Variants in NCAM2 observed in about 807,000 individuals in gnomAD.
NCAM2 encodes neural cell adhesion molecule 2.
In NCAM2, 30 loss-of-function variants were observed where a neutral mutation model predicts 98.1. The ratio of observed to expected loss-of-function variants is 0.31; its 90% CI spans 0.23 to 0.41. The LOEUF (loss-of-function observed/expected upper bound fraction) is 0.41, where lower values mean the gene tolerates loss of function less well. Ranked by LOEUF, NCAM2 falls within the 10% of genes least tolerant of loss-of-function variation. The probability of loss-of-function intolerance (pLI) is 1.00; values close to 1 mark genes in which losing one functional copy is unlikely to be tolerated. For synonymous variants in NCAM2, 368 were observed against 342.4 expected (o/e 1.07, Z -0.83); for missense variants, 867 against 1,005.8 (o/e 0.86, Z 1.87).
In NCAM2 at chr21:21,247,682, T is replaced by C. The variant is rs2071329046; in HGVS notation, c.56-32896T>C. 1.3e-5 allele frequency among the ~76,000 whole-genome samples: 2 copies of C among 152,196 alleles called. 1 individual carries two copies. Among genetic ancestry groups the C allele is most frequent in the South Asian group, 4.1e-4 (2 of 4,838 alleles). The stretch of plus-strand genomic sequence containing the variant: ...GAGTCATATTTCTATGTAATTACAG[T>C]ATTACGTTTAAAGGTATGAAGAATG... On this transcript the variant is annotated intron_variant, in intron 1 of 17. Coordinates refer to ENST00000400546, the MANE Select transcript of NCAM2 (RefSeq NM_004540.5).
In NCAM2 at chr21:21,188,470, ATAAC is replaced by A. The variant is rs541531887; in HGVS notation, c.56-92105_56-92102del. Among the ~76,000 whole-genome samples the A allele has an allele frequency of 6.0e-3, 917 of 152,302 alleles. 6 individuals are homozygous for A. Among genetic ancestry groups the A allele is most frequent in the Non-Finnish European group, 9.7e-3 (662 of 68,002 alleles). On this transcript the variant is annotated intron_variant, in intron 1 of 17. Coordinates refer to ENST00000400546, the MANE Select transcript of NCAM2 (RefSeq NM_004540.5). ...TATTATAAAAGACTAAAATTTTTCTATAACTAGCTATGGGTTAAAATAGCACCAA... is the reference window on the plus strand; with the variant it reads ...TATTATAAAAGACTAAAATTTTTCTATAGCTATGGGTTAAAATAGCACCAA...
Position 21,040,024 on chromosome 21 carries a change from A to T in NCAM2, c.55+41406A>T, listed in dbSNP as rs1350139000. On this transcript the variant is annotated intron_variant, in intron 1 of 17. Coordinates refer to ENST00000400546, the MANE Select transcript of NCAM2 (RefSeq NM_004540.5). ...TACACATTGCCAGTTATTACTGTTA[A>T]GGGCAACCTTCGCTAGCACATTGTA... Among the ~76,000 whole-genome samples, 4 of 152,174 alleles carry T rather than the reference A, an allele frequency of 2.6e-5. No individual in the cohort carries two copies. The East Asian group carries it at 7.7e-4, about 29-fold the overall frequency.
At chr21:21,219,603 A>G (rs1022762679) in intron 1 of NCAM2, among the ~76,000 whole-genome samples, 19 of 152,232 alleles carry the variant, frequency 1.2e-4, no homozygotes, top group Non-Finnish European at 2.8e-4. Flanking sequence ...ACTTTTATGA[A>G]TACTGCATAG....
intron 8 of NCAM2, among the ~76,000 whole-genome samples, chr21:21,343,320 C>T (rs1194218327): frequency 1.3e-5 from 2 of 149,540 alleles, no homozygotes; most frequent in East Asian, 4.0e-4. Context: ...GTCTCCCCAA[C>T]CCTGCAAGGA....
chr21:21,071,363 C>G (rs1209732916), intron 1 of NCAM2, among the ~76,000 whole-genome samples: 1 of 152,012 alleles, frequency 6.6e-6, no homozygotes, highest in Admixed American at 6.6e-5. Flanking sequence ...TTATTGATGA[C>G]CCAAACTCTA....
At chr21:21,116,603 C>G (rs897048951) in intron 1 of NCAM2, among the ~76,000 whole-genome samples, 2 of 152,136 alleles carry the variant, frequency 1.3e-5, no homozygotes, top group African/African-American at 4.8e-5. Flanking sequence ...GCCTGTAATC[C>G]CAGCACTTTG....
intron 9 of NCAM2, among the ~76,000 whole-genome samples, chr21:21,404,614 T>C (rs1569025539): frequency 6.6e-6 from 1 of 152,046 alleles, no homozygotes; most frequent in Non-Finnish European, 1.5e-5. Context: ...TAATACAGTA[T>C]ATATTTGTGT....
rs1399435854 is a variant in NCAM2, at chr21:21,541,525, CA to C, written c.*3569del. ...AGATATTGTTGAAATTAAATTTTGC[CA>C]GTTGTAAGACAAAGACAACAGATAA... On this transcript the variant is annotated 3_prime_UTR_variant, in exon 18 of 18. Coordinates refer to ENST00000400546, the MANE Select transcript of NCAM2 (RefSeq NM_004540.5). The C allele has an allele frequency of 1.8e-4, 27 of 151,572 alleles. No individual in the cohort carries two copies. The highest frequency in any genetic ancestry group is 3.3e-4 in the Admixed American group (5 of 15,190). The allele number at this position is 151,572 out of a possible 1,614,324, so 9.4% of individuals were successfully genotyped here. A position where few individuals can be genotyped will look rare whatever the true frequency, so the allele number is the denominator to read the frequency against.
chr21:21,523,394 A>G lies in NCAM2; in HGVS notation c.2283-11143A>G, dbSNP rs1379919831. 7.9e-5 allele frequency among the ~76,000 whole-genome samples: 12 copies of G among 150,988 alleles called. No individual in the cohort carries two copies. In the Admixed American group the frequency reaches 8.0e-4, roughly 10 times the overall value. Reference sequence around the variant, plus strand: ...TGGTGAGAGATAGGGGTCTGGTTTTATGCTTCTGCATATGGATATCTATCT... The same window carrying G: ...TGGTGAGAGATAGGGGTCTGGTTTTGTGCTTCTGCATATGGATATCTATCT... On this transcript the variant is annotated intron_variant, in intron 16 of 17. Coordinates refer to ENST00000400546, the MANE Select transcript of NCAM2 (RefSeq NM_004540.5).
At chr21:21,086,990 T>G (rs543195912) in intron 1 of NCAM2, among the ~76,000 whole-genome samples, 1 of 152,014 alleles carries the variant, frequency 6.6e-6, no homozygotes, top group Non-Finnish European at 1.5e-5. Context: ...ATTGATCGTT[T>G]TGTAGACATA....
intron 11 of NCAM2, among the ~76,000 whole-genome samples, chr21:21,429,459 T>C (rs1271037226): frequency 6.6e-6 from 1 of 152,228 alleles, no homozygotes; most frequent in East Asian, 1.9e-4. Context: ...TGGAGTGTAA[T>C]GCCTATGACA....
At position 21,534,523 on chromosome 21, in the gene NCAM2, C is replaced by T. The variant is rs765773469; in HGVS notation, c.2283-14C>T. 2 of 1,566,634 alleles carry T rather than the reference C, an allele frequency of 1.3e-6. No homozygotes were observed. Among genetic ancestry groups the T allele is most frequent in the South Asian group, 1.2e-5 (1 of 85,486 alleles). On this transcript the variant is annotated splice_polypyrimidine_tract_variant and intron_variant, in intron 16 of 17. Coordinates refer to ENST00000400546, the MANE Select transcript of NCAM2 (RefSeq NM_004540.5). ...TAAATTACACAGGTGAGATGTTTCTCTTTATGTTTCTAGGAAAGATGGATC... is the reference window on the plus strand; with the variant it reads ...TAAATTACACAGGTGAGATGTTTCTTTTTATGTTTCTAGGAAAGATGGATC...
At chr21:21,265,096 T>TATATGTGTCTGTGTATATATATAC (rs2072149825) in intron 1 of NCAM2, among the ~76,000 whole-genome samples, 5 of 72,344 alleles carry the variant, frequency 6.9e-5, no homozygotes, top group African/African-American at 1.6e-4. Context: ...ATATTATATA[T>TATATGTGTCTGTGTATATATATAC]ACATATATAA....
At chr21:21,003,442 C>T (rs569379368) in intron 1 of NCAM2, among the ~76,000 whole-genome samples, 80 of 152,044 alleles carry the variant, frequency 5.3e-4, no homozygotes, top group Non-Finnish European at 1.0e-3. Context: ...GTCTCTTAAC[C>T]TTGAAGAAGC....
chr21:21,266,520 A>G (rs1457989551), intron 1 of NCAM2, among the ~76,000 whole-genome samples: 1 of 152,280 alleles, frequency 6.6e-6, no homozygotes, highest in East Asian at 1.9e-4. Flanking sequence ...GCACATATAC[A>G]CTATGGAATA....
intron 1 of NCAM2, among the ~76,000 whole-genome samples, chr21:21,179,607 A>T (rs2068404475): frequency 6.6e-6 from 1 of 152,198 alleles, no homozygotes; most frequent in South Asian, 2.1e-4. Context: ...TCGTAGTGTC[A>T]GCTAATTATT....
chr21:21,429,210 G>A (rs1301129169), intron 11 of NCAM2, among the ~76,000 whole-genome samples: 1 of 152,136 alleles, frequency 6.6e-6, no homozygotes, highest in Non-Finnish European at 1.5e-5. Flanking sequence ...CTAGGCACTG[G>A]CCCATGTTTT....
intron 1 of NCAM2, among the ~76,000 whole-genome samples, chr21:21,098,076 T>A: frequency 6.7e-6 from 1 of 150,250 alleles, no homozygotes; most frequent in Non-Finnish European, 1.5e-5. Flanking sequence ...GAATTTAGTT[T>A]TATGAAGTTG....
At chr21:21,129,690 C>T (rs1047215982) in intron 1 of NCAM2, among the ~76,000 whole-genome samples, 47 of 151,656 alleles carry the variant, frequency 3.1e-4, no homozygotes, top group African/African-American at 1.1e-3. Flanking sequence ...TCTTTTGTCG[C>T]TGTTGCCACC....
Sources: allele counts gnomAD v4.1 joint callset (sites outside exome capture counted in the v4.1 genomes callset), GRCh38; gene constraint gnomAD v4.1.1; transcripts MANE v1.5; gene names NCBI Gene and HGNC (gene_info 2026-07-23, HGNC 2026-07-21).